Variants in ARHGEF4 observed in about 807,000 individuals in gnomAD.
The protein encoded by ARHGEF4 is Rho guanine nucleotide exchange factor 4.
A neutral mutation model predicts 162.0 loss-of-function variants in ARHGEF4; 119 were observed. The ratio of observed to expected loss-of-function variants is 0.73; its 90% CI spans 0.63 to 0.86. The LOEUF is 0.86. Among genes scored for constraint, ARHGEF4 ranks in the 40% least tolerant of loss-of-function variants. ARHGEF4 has a pLI of 0.00. For synonymous variants in ARHGEF4, 1,014 were observed against 979.9 expected, an observed-to-expected ratio of 1.03 and a Z score of -0.65; for missense variants, 2,488 against 2,456.0, an observed-to-expected ratio of 1.01 and a Z score of -0.28.
At chr2:130,854,996 C>T (rs2104895442) in intron 1 of ARHGEF4, among the ~76,000 whole-genome samples, 1 of 152,030 alleles carries the variant, frequency 6.6e-6, no homozygotes, top group South Asian at 2.1e-4. Flanking sequence ...ACCTAAGCCT[C>T]CCGAGTAGCT....
At chr2:130,847,064 G>A (rs1242949494) in intron 1 of ARHGEF4, among the ~76,000 whole-genome samples, 1 of 152,156 alleles carries the variant, frequency 6.6e-6, no homozygotes, top group Non-Finnish European at 1.5e-5. Flanking sequence ...GATGTGCGCG[G>A]GCTAAGAGCC....
At chr2:130,992,266 C>T (rs1004503414) in intron 4 of ARHGEF4, among the ~76,000 whole-genome samples, 1 of 152,156 alleles carries the variant, frequency 6.6e-6, no homozygotes, top group African/African-American at 2.4e-5. Context: ...AGGCTGCCTG[C>T]GCTAGCACTG....
At chr2:130,953,211 A>G (rs1684059168) in intron 4 of ARHGEF4, among the ~76,000 whole-genome samples, 2 of 152,320 alleles carry the variant, frequency 1.3e-5, no homozygotes, top group South Asian at 4.1e-4. Context: ...AAACAGAGAT[A>G]TAGACCAATG....
chr2:131,001,624 T>G (rs550453836), intron 4 of ARHGEF4, among the ~76,000 whole-genome samples: 54 of 152,252 alleles, frequency 3.5e-4, no homozygotes, highest in African/African-American at 1.3e-3. Flanking sequence ...CAGTATCTAG[T>G]AAAGTCGAAC....
At chr2:130,911,781 A>C (rs1681204954) in intron 1 of ARHGEF4, among the ~76,000 whole-genome samples, 1 of 152,184 alleles carries the variant, frequency 6.6e-6, no homozygotes, top group Non-Finnish European at 1.5e-5. Flanking sequence ...TCCCCCCAGC[A>C]AGACGCCAGC....
intron 1 of ARHGEF4, among the ~76,000 whole-genome samples, chr2:130,868,082 C>T (rs1433940704): frequency 1.3e-5 from 2 of 151,646 alleles, no homozygotes; most frequent in Non-Finnish European, 2.9e-5. Flanking sequence ...CCCGCCACCA[C>T]GCCTGGCTAA....
At chr2:131,040,572 T>C in intron 8 of ARHGEF4, 132 bp downstream of exon 8, 1 of 1,032,462 alleles carries the variant, frequency 9.7e-7, no homozygotes, top group East Asian at 2.6e-5. Context: ...GCCCTCTATC[T>C]GCCCCGCTGC....
At chr2:131,032,400 G>A (rs568937916) in intron 5 of ARHGEF4, among the ~76,000 whole-genome samples, 19 of 152,024 alleles carry the variant, frequency 1.2e-4, no homozygotes, top group Admixed American at 3.3e-4. Flanking sequence ...TTCCCGTGCC[G>A]CTGGACATCC....
chr2:130,930,931 C>A, intron 2 of ARHGEF4, 21 bp from the exon 3 acceptor site: 12 of 1,587,736 alleles, frequency 7.6e-6, no homozygotes, highest in Non-Finnish European at 1.0e-5. Context: ...TGACCCCTGA[C>A]CCGTTCTCTC....
chr2:130,950,834 C>T (rs768731930), intron 4 of ARHGEF4, among the ~76,000 whole-genome samples: 7 of 152,142 alleles, frequency 4.6e-5, no homozygotes, highest in Admixed American at 2.0e-4. Context: ...GGTTCTTCCA[C>T]ATGTCACATG....
chr2:130,988,901 T>TATATATATATAG (rs1469212068), intron 4 of ARHGEF4, among the ~76,000 whole-genome samples: 9 of 113,360 alleles, frequency 7.9e-5, no homozygotes, highest in South Asian at 6.9e-4. Flanking sequence ...TATATATATA[T>TATATATATATAG]AGAGAGAGAG....
intron 4 of ARHGEF4, among the ~76,000 whole-genome samples, chr2:131,005,302 C>T (rs1193627221): frequency 6.6e-6 from 1 of 152,128 alleles, no homozygotes; most frequent in Admixed American, 6.5e-5. Context: ...TCCTCACATC[C>T]AGGTAGAAAT....
intron 4 of ARHGEF4, among the ~76,000 whole-genome samples, chr2:130,972,696 A>C (rs1165381647): frequency 6.6e-6 from 1 of 152,116 alleles, no homozygotes; most frequent in Non-Finnish European, 1.5e-5. Context: ...TCTGTAAACT[A>C]TCAGCGAAAG....
chr2:130,841,408 C>G (rs1309315851), intron 1 of ARHGEF4, among the ~76,000 whole-genome samples: 1 of 146,308 alleles, frequency 6.8e-6, no homozygotes, highest in Non-Finnish European at 1.5e-5. Flanking sequence ...ATTAATACTA[C>G]ACACATCAGA....
In ARHGEF4 at chr2:130,915,223, A is replaced by T; in HGVS notation, c.1277A>T (p.Glu426Val). Residue 426 changes from glutamate to valine, a missense_variant, in exon 2 of 14, where the codon GAA (glutamate) becomes GTA (valine). Physicochemically the swap from Glu to Val is moderately radical, Grantham distance 121. Transcript: ENST00000409359. ...QDTPSAGLLG[E>V]NQLRQDSRSC... ...ACTCCTTCTGCAGGTCTCCTGGGGGAAAACCAGTTAAGACAGGATTCCAGG... is the reference window on the plus strand; with the variant it reads ...ACTCCTTCTGCAGGTCTCCTGGGGGTAAACCAGTTAAGACAGGATTCCAGG... The T allele has an allele frequency of 1.9e-6, 3 of 1,550,524 alleles. No individual in the cohort carries two copies. Among genetic ancestry groups the T allele is most frequent in the Non-Finnish European group, 2.6e-6 (3 of 1,146,978 alleles).
Position 131,040,052 on chromosome 2 carries a change from G to T in ARHGEF4, c.4342G>T (p.Ala1448Ser). The T allele has an allele frequency of 1.9e-6, 3 of 1,583,424 alleles. No homozygotes were observed. The highest frequency in any genetic ancestry group is 1.7e-4 in the Middle Eastern group (1 of 6,022). The part of the protein sequence containing the change: ...VNQDEPADDD[A>S]PLAGNSGAED... ...TCAGGACGAGCCCGCGGATGACGAC[G>T]CCCCTCTGGCCGGGAACAGCGGAGC... The change falls in exon 7 of 14, where the codon GCC (alanine) becomes TCC (serine). Residue 1448 changes from alanine to serine, a missense_variant. Ala to Ser is a moderately conservative substitution (Grantham distance 99). This residue lies in a region of ARHGEF4 where 174 missense variants were observed against 148.3 expected (regional missense o/e 1.17). Coordinates refer to ENST00000409359, the MANE Select transcript of ARHGEF4 (RefSeq NM_001367493.1).
chr2:130,919,342 ATAGCTT>A (rs1681727091), intron 2 of ARHGEF4, among the ~76,000 whole-genome samples: 1 of 152,200 alleles, frequency 6.6e-6, no homozygotes, highest in South Asian at 2.1e-4. Context: ...GGGTATTTTA[ATAGCTT>A]TCAGATTACT....
At chr2:130,984,480 C>T (rs1335656121) in intron 4 of ARHGEF4, among the ~76,000 whole-genome samples, 1 of 152,160 alleles carries the variant, frequency 6.6e-6, no homozygotes. Flanking sequence ...CACCTGAGGT[C>T]AGGAGTTCAA....
Position 130,914,922 on chromosome 2 carries a change from C to A in ARHGEF4, c.976C>A (p.Leu326Ile). 6.5e-7 allele frequency: 1 copy of A among 1,533,402 alleles called. No homozygotes were observed. The highest frequency in any genetic ancestry group is 1.2e-5 in the South Asian group (1 of 81,000). The allele number at this position is 1,533,402 out of a possible 1,614,324, so 95.0% of individuals were successfully genotyped here. A position where few individuals can be genotyped will look rare whatever the true frequency, so the allele number is the denominator to read the frequency against. Reference sequence around the variant, plus strand: ...TGACAAGAACAGGGCATCCCCCAGACTCAACTGTGGGCACATGAGGGCACT... The same window carrying A: ...TGACAAGAACAGGGCATCCCCCAGAATCAACTGTGGGCACATGAGGGCACT... ...TGDKNRASPR[L>I]NCGHMRALVR... The change falls in exon 2 of 14, where the codon CTC becomes ATC. Residue 326 changes from leucine to isoleucine, a missense_variant. By Grantham distance (5) the Leu-to-Ile change is conservative. This residue lies in a region of ARHGEF4 where 1,642 missense variants were observed against 1,481.5 expected (regional missense o/e 1.11). Transcript: ENST00000409359.
Sources: gnomAD v4.1 joint callset for allele counts (sites outside exome capture counted in the v4.1 genomes callset) on GRCh38, gnomAD v4.1.1 for gene constraint, gnomAD v4.1.1 regional missense constraint, MANE v1.5 for transcripts, NCBI Gene and HGNC (gene_info 2026-07-23, HGNC 2026-07-21) for gene names.